Variants in BNC2 observed in about 807,000 individuals in gnomAD.
The protein encoded by BNC2 is zinc finger protein basonuclin-2.
BNC2 carries 20 observed loss-of-function variants against 76.3 expected under a neutral mutation model. That is an observed-to-expected ratio of 0.26 (90% CI 0.18 to 0.38). The LOEUF (loss-of-function observed/expected upper bound fraction) is 0.38, where lower values mean the gene tolerates loss of function less well. Ranked by LOEUF, BNC2 falls within the 10% of genes least tolerant of loss-of-function variation. BNC2 has a pLI of 1.00. For missense variants in BNC2, 1,382 were observed against 1,399.8 expected, an observed-to-expected ratio of 0.99 and a Z score of 0.20; for synonymous variants, 582 against 514.8, an observed-to-expected ratio of 1.13 and a Z score of -1.77.
intron 2 of BNC2, among the ~76,000 whole-genome samples, chr9:16,730,191 T>C (rs1481183290): frequency 2.0e-5 from 3 of 152,142 alleles, no homozygotes; most frequent in African/African-American, 7.2e-5. Context: ...ACTGTTATTC[T>C]GCAAGACTTG....
At chr9:16,449,928 G>C (rs544736342) in intron 5 of BNC2, among the ~76,000 whole-genome samples, 2 of 152,066 alleles carry the variant, frequency 1.3e-5, no homozygotes, top group Non-Finnish European at 2.9e-5. Flanking sequence ...TGGCATTCTG[G>C]AAGTATTTTC....
intron 3 of BNC2, among the ~76,000 whole-genome samples, chr9:16,609,028 G>C (rs1307782119): frequency 1.3e-5 from 2 of 152,098 alleles, no homozygotes; most frequent in African/African-American, 4.8e-5. Flanking sequence ...TGTTTCTTTA[G>C]CACCTAGAAC....
intron 1 of BNC2, among the ~76,000 whole-genome samples, chr9:16,781,107 G>C (rs940962935): frequency 2.0e-5 from 3 of 151,746 alleles, no homozygotes; most frequent in South Asian, 4.2e-4. Flanking sequence ...GGATCTAATT[G>C]TTTCATGTTT....
chr9:16,689,118 C>CCACA (rs60237205), intron 3 of BNC2, among the ~76,000 whole-genome samples: 2 of 135,416 alleles, frequency 1.5e-5, no homozygotes, highest in Admixed American at 7.8e-5. Context: ...ACACACATAA[C>CCACA]CACACACACA....
At chr9:16,557,764 C>A (rs1261704267) in intron 4 of BNC2, among the ~76,000 whole-genome samples, 2 of 152,016 alleles carry the variant, frequency 1.3e-5, no homozygotes, top group African/African-American at 2.4e-5. Flanking sequence ...TGTCCACTCC[C>A]CTTCACTCTG....
At chr9:16,489,949 C>A (rs1200470071) in intron 5 of BNC2, among the ~76,000 whole-genome samples, 1 of 152,196 alleles carries the variant, frequency 6.6e-6, no homozygotes, top group African/African-American at 2.4e-5. Context: ...AAGTTCCTTA[C>A]TTCTTACTTA....
At position 16,435,265 on chromosome 9, in the gene BNC2, C is replaced by A. The variant is rs114381872; in HGVS notation, c.2639+290G>T. On this transcript the variant is annotated intron_variant, in intron 6 of 6. Transcript: ENST00000380672. ...GAACCGTGTACATAGTTAACTTATT[C>A]ACACCTAGATGCATGAAAACACATA... 8.1e-3 allele frequency among the ~76,000 whole-genome samples: 1,227 copies of A among 152,226 alleles called. 18 individuals carry two copies. The highest frequency in any genetic ancestry group is 0.027 in the African/African-American group (1,140 of 41,524).
intron 1 of BNC2, among the ~76,000 whole-genome samples, chr9:16,756,920 G>T (rs1825400362): frequency 6.6e-6 from 1 of 151,692 alleles, no homozygotes; most frequent in Non-Finnish European, 1.5e-5. Flanking sequence ...GAACCCGGGA[G>T]GTGGAGCTTG....
At chr9:16,432,025 C>CA (rs1563779752) in intron 6 of BNC2, among the ~76,000 whole-genome samples, 3 of 152,186 alleles carry the variant, frequency 2.0e-5, no homozygotes, top group Admixed American at 1.3e-4. Context: ...TTTAGAGCAT[C>CA]AGAGTTCTTT....
intron 1 of BNC2, among the ~76,000 whole-genome samples, chr9:16,847,206 T>C (rs1375111368): frequency 6.6e-6 from 1 of 152,066 alleles, no homozygotes; most frequent in Non-Finnish European, 1.5e-5. Flanking sequence ...GCATACATGT[T>C]TCAACACACA....
In BNC2 at chr9:16,772,956, C is replaced by T. The variant is rs561901682; in HGVS notation, c.4-34471G>A. On this transcript the variant is annotated intron_variant, in intron 1 of 6. Transcript: ENST00000380672. ...TAGAAAAACAGAGCTACTTTCATTA[C>T]TGTGATGCTGTGTGTCAGAATGTCT... Among the ~76,000 whole-genome samples the T allele has an allele frequency of 2.2e-3, 334 of 152,310 alleles. 1 individual carries two copies. The highest frequency in any genetic ancestry group is 7.2e-3 in the African/African-American group (299 of 41,578).
At chr9:16,825,324 G>A (rs1818429282) in intron 1 of BNC2, among the ~76,000 whole-genome samples, 1 of 152,246 alleles carries the variant, frequency 6.6e-6, no homozygotes, top group South Asian at 2.1e-4. Context: ...CAGTACAGTA[G>A]AGTTCTGAAA....
intron 1 of BNC2, among the ~76,000 whole-genome samples, chr9:16,769,678 G>A (rs1339543947): frequency 6.6e-6 from 1 of 152,346 alleles, no homozygotes; most frequent in African/African-American, 2.4e-5. Flanking sequence ...TCTACAAAAT[G>A]AGGTAAGTAG....
chr9:16,795,908 G>A (rs1294623735), intron 1 of BNC2, among the ~76,000 whole-genome samples: 4 of 152,174 alleles, frequency 2.6e-5, no homozygotes, highest in Non-Finnish European at 5.9e-5. Context: ...GAGAAAAAGA[G>A]CTAACATTTA....
chr9:16,770,872 C>G (rs1334203223), intron 1 of BNC2, among the ~76,000 whole-genome samples: 1 of 151,640 alleles, frequency 6.6e-6, no homozygotes, highest in African/African-American at 2.4e-5. Context: ...GACCCTGTCA[C>G]AAAAAGAAAA....
At chr9:16,660,284 G>A (rs1448858997) in intron 3 of BNC2, among the ~76,000 whole-genome samples, 1 of 152,082 alleles carries the variant, frequency 6.6e-6, no homozygotes, top group Admixed American at 6.5e-5. Context: ...GAGAAACTCT[G>A]TCTCTACTAA....
chr9:16,791,799 T>C (rs1817517608), intron 1 of BNC2, among the ~76,000 whole-genome samples: 1 of 152,090 alleles, frequency 6.6e-6, no homozygotes, highest in Non-Finnish European at 1.5e-5. Flanking sequence ...GATTAAAAAG[T>C]ACTTTTAAAA....
intron 3 of BNC2, among the ~76,000 whole-genome samples, chr9:16,598,210 T>C (rs1820148573): frequency 2.0e-5 from 3 of 152,204 alleles, no homozygotes; most frequent in Non-Finnish European, 2.9e-5. Flanking sequence ...TATCAATATA[T>C]AATTTATGTT....
intron 1 of BNC2, among the ~76,000 whole-genome samples, chr9:16,843,559 C>A (rs1348927256): frequency 4.6e-5 from 7 of 152,212 alleles, no homozygotes; most frequent in African/African-American, 1.7e-4. Flanking sequence ...GTCTCCAACT[C>A]CTGACCTCAA....
Sources: gnomAD v4.1 joint callset for allele counts (sites outside exome capture counted in the v4.1 genomes callset) on GRCh38, gnomAD v4.1.1 for gene constraint, MANE v1.5 for transcripts, NCBI Gene and HGNC (gene_info 2026-07-23, HGNC 2026-07-21) for gene names.